ABI1: variants seen among roughly 807,000 people sequenced by gnomAD.
The protein encoded by ABI1 is abl interactor 1, also known as Abelson interactor 1.
A neutral mutation model predicts 54.6 loss-of-function variants in ABI1; 14 were observed. The ratio of observed to expected loss-of-function variants is 0.26; its 90% confidence interval spans 0.17 to 0.40. The LOEUF is 0.40. Ranked by LOEUF, ABI1 falls within the 10% of genes least tolerant of loss-of-function variation. ABI1 has a pLI of 1.00. For synonymous variants in ABI1, 194 were observed against 209.3 expected, an observed-to-expected ratio of 0.93 and a Z score of 0.63; for missense variants, 443 against 598.3, an observed-to-expected ratio of 0.74 and a Z score of 2.71.
At chr10:26,832,677 G>T (rs1405041849) in intron 1 of ABI1, among the ~76,000 whole-genome samples, 2 of 152,166 alleles carry the variant, frequency 1.3e-5, no homozygotes, top group Non-Finnish European at 2.9e-5. Flanking sequence ...CCTGTTGCAG[G>T]AATAATTTTA....
chr10:26,755,569 T>C lies in ABI1; in HGVS notation c.1084+86A>G, dbSNP rs1336773038. 7 of 1,041,060 alleles carry C rather than the reference T, an allele frequency of 6.7e-6. No individual in the cohort carries two copies. The African/African-American group carries it at 7.9e-5, about 12-fold the overall frequency. The allele number at this position is 1,041,060 out of a possible 1,614,324, so 64.5% of individuals were successfully genotyped here. ...TTCAAGATTAGCTTCTCAATAAAAG[T>C]AAGGAAAACGATGACTCATCGTCAG... On this transcript the variant is annotated intron_variant, in intron 9 of 10. Transcript: ENST00000376140.
At chr10:26,835,869 C>A (rs2049034336) in intron 1 of ABI1, among the ~76,000 whole-genome samples, 1 of 150,554 alleles carries the variant, frequency 6.6e-6, no homozygotes, top group Admixed American at 6.7e-5. Flanking sequence ...CTCAAGGGAT[C>A]CTCCCAAGTA....
chr10:26,860,804 G>A lies in ABI1; in HGVS notation c.60C>T (p.Ile20=). ...EEIPSGKRAL[I]ESYQNLTRVA... ...CCCGAGTCAGGTTCTGGTAACTCTCGATCAGCGCCCTCTTGCCAGACGGGA... is the reference window on the plus strand; with the variant it reads ...CCCGAGTCAGGTTCTGGTAACTCTCAATCAGCGCCCTCTTGCCAGACGGGA... Residue 20 remains isoleucine (I), a synonymous_variant, in exon 1 of 11, where the codon ATC becomes ATT. Transcript: ENST00000376140. This position sits in a 1 kb window ranked among gnomAD's most constrained non-coding sequence, Gnocchi z 4.1. 1 of 1,614,126 alleles carries A rather than the reference G, an allele frequency of 6.2e-7. No individual in the cohort carries two copies. The highest frequency in any genetic ancestry group is 1.1e-5 in the South Asian group (1 of 91,078).
At chr10:26,769,041 T>C (rs376391531) in intron 5 of ABI1, 49 bp from the exon 6 acceptor site, 204 of 1,422,076 alleles carry the variant, frequency 1.4e-4, no homozygotes, top group Middle Eastern at 2.5e-4. Flanking sequence ...AAGATAAAAT[T>C]GTATTTTTCC....
At chr10:26,818,800 G>A (rs1191577029) in intron 2 of ABI1, among the ~76,000 whole-genome samples, 1 of 152,042 alleles carries the variant, frequency 6.6e-6, no homozygotes. Context: ...GACCAACCTG[G>A]CCAAGATGGT....
intron 2 of ABI1, among the ~76,000 whole-genome samples, chr10:26,780,742 A>T (rs1445665183): frequency 6.6e-6 from 1 of 152,174 alleles, no homozygotes; most frequent in Non-Finnish European, 1.5e-5. Flanking sequence ...AACTTTGGGG[A>T]GAGCACAGAC....
intron 2 of ABI1, among the ~76,000 whole-genome samples, 181 bp downstream of exon 2, chr10:26,822,957 T>C (rs1044006090): frequency 1.3e-5 from 2 of 152,200 alleles, no homozygotes; most frequent in Non-Finnish European, 2.9e-5. Flanking sequence ...TTATGTTATG[T>C]TTACCTTATC....
At chr10:26,839,295 G>A (rs1419608776) in intron 1 of ABI1, among the ~76,000 whole-genome samples, 1 of 152,008 alleles carries the variant, frequency 6.6e-6, no homozygotes, top group Non-Finnish European at 1.5e-5. Flanking sequence ...TAAGGAGTTC[G>A]AGACTAGCCT....
intron 1 of ABI1, among the ~76,000 whole-genome samples, chr10:26,843,743 A>G (rs1018347362): frequency 1.3e-5 from 2 of 150,470 alleles, no homozygotes; most frequent in African/African-American, 4.9e-5. Context: ...GAGAGGTAGG[A>G]TGGGTGGAAG....
intron 1 of ABI1, among the ~76,000 whole-genome samples, chr10:26,826,187 T>C (rs374649938): frequency 3.9e-5 from 6 of 152,180 alleles, no homozygotes; most frequent in East Asian, 3.8e-4. Context: ...AATAGTAAGA[T>C]TGGAAAGTCA....
intron 3 of ABI1, among the ~76,000 whole-genome samples, chr10:26,776,079 A>G (rs1208256073): frequency 6.6e-6 from 1 of 152,182 alleles, no homozygotes. Flanking sequence ...GGATAAAAAC[A>G]CAAGAAATAA....
Position 26,773,021 on chromosome 10 carries a change from T to C in ABI1, c.463-1932A>G, listed in dbSNP as rs138655831. On this transcript the variant is annotated intron_variant, in intron 3 of 10. Coordinates refer to ENST00000376140, the MANE Select transcript of ABI1 (RefSeq NM_001012750.3). The stretch of plus-strand genomic sequence containing the variant: ...GAGCCTAGAAAGTTGTGAGCTGTGA[T>C]TGAGCTATTGCACTTCAGTGAGACC... 1.5e-3 allele frequency among the ~76,000 whole-genome samples: 229 copies of C among 152,212 alleles called. 1 individual carries two copies. Among genetic ancestry groups the C allele is most frequent in the African/African-American group, 5.3e-3 (219 of 41,560 alleles).
chr10:26,784,604 T>C (rs1443090405), intron 2 of ABI1, among the ~76,000 whole-genome samples: 4 of 152,186 alleles, frequency 2.6e-5, no homozygotes, highest in African/African-American at 7.2e-5. Flanking sequence ...ACACATTCTT[T>C]ATAGGCACAC....
At chr10:26,859,988 GA>G (rs1459199740) in intron 1 of ABI1, among the ~76,000 whole-genome samples, 1 of 151,284 alleles carries the variant, frequency 6.6e-6, no homozygotes, top group Non-Finnish European at 1.5e-5. Flanking sequence ...AAAACGATGA[GA>G]GGGGGAAAAA....
At position 26,821,730 on chromosome 10, in the gene ABI1, C is replaced by T. The variant is rs566870134; in HGVS notation, c.285+1408G>A. 2.7e-5 allele frequency among the ~76,000 whole-genome samples: 4 copies of T among 148,668 alleles called. No homozygotes were observed. In the East Asian group the frequency reaches 6.0e-4, roughly 22 times the overall value. ...AGGAGAATTGCTTGGACCCAGGAGGCGAAGGATGCAGAGAGCCAAGATCAC... is the reference window on the plus strand; with the variant it reads ...AGGAGAATTGCTTGGACCCAGGAGGTGAAGGATGCAGAGAGCCAAGATCAC... On this transcript the variant is annotated intron_variant, in intron 2 of 10. Transcript: ENST00000376140.
intron 2 of ABI1, among the ~76,000 whole-genome samples, chr10:26,822,312 C>A (rs1433048031): frequency 1.3e-5 from 2 of 152,158 alleles, no homozygotes; most frequent in African/African-American, 4.8e-5. Context: ...TTGGTAGGTT[C>A]TTCTAAAGTG....
intron 1 of ABI1, among the ~76,000 whole-genome samples, chr10:26,846,046 CAG>C (rs1368015870): frequency 2.6e-5 from 4 of 151,024 alleles, no homozygotes; most frequent in Admixed American, 2.6e-4. Context: ...GAGGCTGAGG[CAG>C]AGAGACTTGC....
intron 1 of ABI1, among the ~76,000 whole-genome samples, chr10:26,824,969 T>C (rs2048216637): frequency 6.6e-6 from 1 of 152,236 alleles, no homozygotes; most frequent in Admixed American, 6.5e-5. Context: ...AAAAATACTT[T>C]ATTGCTTAAA....
At chr10:26,801,275 C>T (rs192956961) in intron 2 of ABI1, among the ~76,000 whole-genome samples, 52 of 152,170 alleles carry the variant, frequency 3.4e-4, no homozygotes, top group Admixed American at 1.6e-3. Flanking sequence ...TGGCCGGGCA[C>T]GGTGGCTCAT....
Sources: allele counts gnomAD v4.1 joint callset (sites outside exome capture counted in the v4.1 genomes callset), GRCh38; gene constraint gnomAD v4.1.1; non-coding constraint Gnocchi (gnomAD v3.1); transcripts MANE v1.5; gene names NCBI Gene and HGNC (gene_info 2026-07-23, HGNC 2026-07-21).